Variants in ABCA10 observed in about 807,000 individuals in gnomAD.
ABCA10 encodes the protein ATP-binding cassette sub-family A member 10.
A neutral mutation model predicts 187.5 loss-of-function variants in ABCA10; 169 were observed. That is an observed-to-expected ratio of 0.90 (90% confidence interval 0.80 to 1.02). The LOEUF is 1.02. Among genes scored for constraint, ABCA10 ranks in the 50% least tolerant of loss-of-function variants. The pLI is 0.00. For synonymous variants in ABCA10, 574 were observed against 601.8 expected, an observed-to-expected ratio of 0.95 and a Z score of 0.68; for missense variants, 1,727 against 1,812.4, an observed-to-expected ratio of 0.95 and a Z score of 0.86.
At chr17:69,149,484 G>A (rs532548391) in intron 37 of ABCA10, among the ~76,000 whole-genome samples, 3 of 152,180 alleles carry the variant, frequency 2.0e-5, no homozygotes, top group Admixed American at 1.3e-4. Flanking sequence ...CAGTGTCTCT[G>A]GAACTAGTTC....
At chr17:69,162,076 A>G (rs2074222297) in intron 27 of ABCA10, among the ~76,000 whole-genome samples, 1 of 152,218 alleles carries the variant, frequency 6.6e-6, no homozygotes, top group South Asian at 2.1e-4. Context: ...CAATTCACAT[A>G]ATTCCGATTG....
intron 10 of ABCA10, among the ~76,000 whole-genome samples, chr17:69,200,312 G>A (rs984326298): frequency 5.9e-5 from 9 of 152,158 alleles, no homozygotes; most frequent in African/African-American, 2.2e-4. Context: ...TGAGGCATAG[G>A]AGGTTAATAC....
intron 9 of ABCA10, among the ~76,000 whole-genome samples, chr17:69,211,597 T>C (rs1195875006): frequency 6.6e-6 from 1 of 151,562 alleles, no homozygotes; most frequent in Admixed American, 6.6e-5. Context: ...CAGCTATGAA[T>C]CCATCTGTTC....
At position 69,222,700 on chromosome 17, in the gene ABCA10, A is replaced by G. The variant is rs2144848934; in HGVS notation, c.35-3T>C. 6.4e-7 allele frequency: 1 copy of G among 1,554,534 alleles called. No homozygotes were observed. ...TGGTGTCCCAATGACTGTTCTTCCT[A>G]CCATGTATGAAAAACATAAATAAAT... On this transcript the variant is annotated splice_polypyrimidine_tract_variant and splice_region_variant and intron_variant, in intron 3 of 38. Transcript: ENST00000690296.
At chr17:69,214,234 G>A (rs1320871930) in intron 9 of ABCA10, among the ~76,000 whole-genome samples, 1 of 152,104 alleles carries the variant, frequency 6.6e-6, no homozygotes, top group East Asian at 1.9e-4. Context: ...GATTCAGTTC[G>A]GCCGGGCGCG....
chr17:69,214,624 T>C, intron 9 of ABCA10, 80 bp downstream of exon 9: 16 of 1,223,610 alleles, frequency 1.3e-5, no homozygotes, highest in Non-Finnish European at 1.7e-5. Context: ...GCTTCTTAAG[T>C]TACAAATAAA....
intron 36 of ABCA10, 73 bp from the exon 37 acceptor site, chr17:69,150,136 G>T: frequency 8.9e-7 from 1 of 1,117,718 alleles, no homozygotes; most frequent in Non-Finnish European, 1.3e-6. Context: ...AATAGGCAAA[G>T]TAAAATAATT....
intron 5 of ABCA10, among the ~76,000 whole-genome samples, chr17:69,220,071 C>G (rs1377419906): frequency 6.6e-6 from 1 of 152,128 alleles, no homozygotes; most frequent in African/African-American, 2.4e-5. Context: ...TGTAGCGCAG[C>G]AGAAGAAAGG....
chr17:69,229,003 TTAAAGA>T (rs1341255664), upstream of ABCA10: 8 of 151,938 alleles, frequency 5.3e-5, no homozygotes, highest in African/African-American at 9.7e-5. Context: ...AAGGAGCAAA[TTAAAGA>T]TAAAGTTGAA....
At position 69,182,828 on chromosome 17, in the gene ABCA10, G is replaced by GA; in HGVS notation, c.2498-21_2498-20insT. On this transcript the variant is annotated intron_variant, in intron 20 of 38. Transcript: ENST00000690296. ...TTGATCCTAACATAGTGGAAGGAAG[G>GA]CAACAAGAAAAAAAAAAAAAAAGCA... 1.4e-6 allele frequency: 2 copies of GA among 1,446,184 alleles called. No homozygotes were observed. Among genetic ancestry groups the GA allele is most frequent in the Non-Finnish European group, 1.8e-6 (2 of 1,105,222 alleles). 89.6% of individuals were successfully genotyped at this position (1,446,184 alleles called of 1,614,324 possible). A position where few individuals can be genotyped will look rare whatever the true frequency, so the allele number is the denominator to read the frequency against.
chr17:69,174,742 G>A lies in ABCA10; in HGVS notation c.2913C>T (p.Leu971=). ...NVQSQLWISG[L]WPSAYWCGQA... is the part of the protein sequence containing the mutation. ...GTCCACACCAGTATGCTGAAGGCCA[G>A]AGGCCTGAAATCCATAACTGGGATT... Residue 971 remains leucine, a synonymous_variant, in exon 24 of 39, where the codon CTC becomes CTT. Coordinates refer to ENST00000690296, the MANE Select transcript of ABCA10 (RefSeq NM_001377321.1). 6.2e-7 allele frequency: 1 copy of A among 1,603,120 alleles called. No individual in the cohort carries two copies. Among genetic ancestry groups the A allele is most frequent in the Non-Finnish European group, 8.5e-7 (1 of 1,175,918 alleles).
At position 69,201,530 on chromosome 17, in the gene ABCA10, G is replaced by A; in HGVS notation, c.1145C>T (p.Ser382Phe). The change falls in exon 10 of 39, where the codon TCT becomes TTT. Residue 382 changes from serine to phenylalanine, a missense_variant. Coordinates refer to ENST00000690296, the MANE Select transcript of ABCA10 (RefSeq NM_001377321.1). ...HSSDDSFEPV[S>F]PEFHGKEAIR... ...GGCTTCTTTTCCATGGAATTCTGGA[G>A]ACACCGGTTCAAAAGAATCATCAGA... The A allele has an allele frequency of 6.2e-7, 1 of 1,602,460 alleles. No homozygotes were observed. The highest frequency in any genetic ancestry group is 8.5e-7 in the Non-Finnish European group (1 of 1,176,388).
exon 1 of ABCA10, chr17:69,244,775 A>G (rs1427290535): frequency 2.0e-5 from 3 of 151,444 alleles, no homozygotes; most frequent in African/African-American, 4.8e-5. Flanking sequence ...GAACAACAAT[A>G]AAAACAATAA....
intron 19 of ABCA10, among the ~76,000 whole-genome samples, chr17:69,186,276 T>G (rs184512814): frequency 2.8e-4 from 43 of 151,836 alleles, no homozygotes; most frequent in Admixed American, 5.9e-4. Flanking sequence ...GCCATATATT[T>G]CATAGAAAAA....
At chr17:69,161,941 C>G (rs2074221403) in intron 27 of ABCA10, among the ~76,000 whole-genome samples, 1 of 152,154 alleles carries the variant, frequency 6.6e-6, no homozygotes, top group Middle Eastern at 3.2e-3. Flanking sequence ...GAAAATAAGT[C>G]CTATAGCAGC....
chr17:69,236,996 T>C (rs942505439), intron 1 of ABCA10, among the ~76,000 whole-genome samples: 4 of 152,200 alleles, frequency 2.6e-5, no homozygotes, highest in Non-Finnish European at 5.9e-5. Context: ...ATATTTTGGA[T>C]AGTGAAGAGG....
At position 69,191,262 on chromosome 17, in the gene ABCA10, T is replaced by G. The variant is rs2074457710; in HGVS notation, c.1925A>C (p.Gln642Pro). ...DTEKITSLIK[Q>P]HIPDAKLTTE... The stretch of plus-strand genomic sequence containing the variant: ...TGTTAACTTGGCATCAGGAATGTGC[T>G]GCTTAATAAGGGATGTGATTTTTTC... The change falls in exon 17 of 39, where the codon CAG (glutamine) becomes CCG (proline). Residue 642 changes from glutamine (Q) to proline (P), a missense_variant. Physicochemically the swap from Gln to Pro is moderately conservative, Grantham distance 76 (BLOSUM62 -1). Transcript: ENST00000690296. 1 of 1,605,876 alleles carries G rather than the reference T, an allele frequency of 6.2e-7. No homozygotes were observed. Among genetic ancestry groups the G allele is most frequent in the Non-Finnish European group, 8.5e-7 (1 of 1,175,336 alleles).
At chr17:69,238,194 A>G (rs536944049) in intron 1 of ABCA10, among the ~76,000 whole-genome samples, 28 of 152,072 alleles carry the variant, frequency 1.8e-4, no homozygotes, top group South Asian at 8.3e-4. Context: ...CAACTACCAG[A>G]AGCTAGAAAA....
chr17:69,211,341 A>G (rs1159542886), intron 9 of ABCA10, among the ~76,000 whole-genome samples: 4 of 113,610 alleles, frequency 3.5e-5, no homozygotes, highest in African/African-American at 7.4e-5. Context: ...ATATATATAT[A>G]TATATATATA....
Sources: gnomAD v4.1 joint callset for allele counts (sites outside exome capture counted in the v4.1 genomes callset) on GRCh38, gnomAD v4.1.1 for gene constraint, MANE v1.5 for transcripts, NCBI Gene and HGNC (gene_info 2026-07-23, HGNC 2026-07-21) for gene names.